LRRN1: variants seen among roughly 807,000 people sequenced by gnomAD.
LRRN1 encodes the protein leucine rich repeat neuronal 1, also known as leucine-rich repeat neuronal protein 1.
A neutral mutation model predicts 45.8 loss-of-function variants in LRRN1; 14 were observed. The observed-to-expected ratio is 0.31, with a 90% CI of 0.20 to 0.48. LRRN1 has a LOEUF of 0.48. Ranked by LOEUF, LRRN1 falls within the 20% of genes least tolerant of loss-of-function variation. LRRN1 has a pLI of 0.99. For missense variants in LRRN1, 789 were observed against 874.2 expected, an observed-to-expected ratio of 0.90 and a Z score of 1.23; for synonymous variants, 359 against 330.1, an observed-to-expected ratio of 1.09 and a Z score of -0.95.
rs754076436 is a variant in LRRN1 at position 3,846,055 on chromosome 3, C to G, written c.1414C>G (p.Leu472Val). The G allele has an allele frequency of 1.4e-5, 22 of 1,613,988 alleles. No individual in the cohort carries two copies. In the East Asian group the frequency reaches 4.0e-4, roughly 29 times the overall value. Residue 472 changes from leucine to valine, a missense_variant, in exon 2 of 2, where the codon CTT (leucine) becomes GTT (valine). Physicochemically the swap from Leu to Val is conservative, Grantham distance 32. Transcript: ENST00000319331. The surrounding 1 kb of genome is among the most constrained non-coding windows in gnomAD (Gnocchi z 5.7). The part of the protein sequence containing the change: ...PIGNKITVET[L>V]SDKYKLSSEG... ...TGGAAATAAGATAACTGTGGAAACC[C>G]TTTCAGATAAATACAAGCTAAGTAG...
In LRRN1 at chr3:3,845,163, G is replaced by A. The variant is rs3749349; in HGVS notation, c.522G>A (p.Leu174=). The A allele has an allele frequency of 6.2e-7, 1 of 1,613,954 alleles. No individual in the cohort carries two copies. The highest frequency in any genetic ancestry group is 1.1e-5 in the South Asian group (1 of 91,082). Residue 174 remains leucine (L), a synonymous_variant, in exon 2 of 2, where the codon CTG becomes CTA. Coordinates refer to ENST00000319331, the MANE Select transcript of LRRN1 (RefSeq NM_020873.7). This position sits in a 1 kb window ranked among gnomAD's most constrained non-coding sequence, Gnocchi z 6.5. ...AGLKNLLRLH[L]NSNKLKVIDS... Reference sequence around the variant, plus strand: ...TAAAAAATCTATTAAGGCTCCACCTGAACTCCAACAAATTGAAAGTTATTG... The same window carrying A: ...TAAAAAATCTATTAAGGCTCCACCTAAACTCCAACAAATTGAAAGTTATTG...
intron 1 of LRRN1, among the ~76,000 whole-genome samples, chr3:3,832,583 G>T (rs766379869): frequency 6.6e-6 from 1 of 152,138 alleles, no homozygotes; most frequent in Non-Finnish European, 1.5e-5. Flanking sequence ...CCTTTCCCCA[G>T]TGCAGTTACC....
chr3:3,848,373 G>A lies in LRRN1; in HGVS notation c.*1581G>A, dbSNP rs995796279. 2.2e-4 allele frequency among the ~76,000 whole-genome samples: 34 copies of A among 152,186 alleles called. No individual in the cohort carries two copies. The highest frequency in any genetic ancestry group is 7.7e-4 in the African/African-American group (32 of 41,528). On this transcript the variant is annotated 3_prime_UTR_variant, in exon 2 of 2. Coordinates refer to ENST00000319331, the MANE Select transcript of LRRN1 (RefSeq NM_020873.7). ...TCCACAAAGGGCAGAGGGAGGGATGGGATTTAATAGGTAAAGAAGAACCCA... is the reference window on the plus strand; with the variant it reads ...TCCACAAAGGGCAGAGGGAGGGATGAGATTTAATAGGTAAAGAAGAACCCA...
At chr3:3,800,260 G>A (rs929411588) in intron 1 of LRRN1, among the ~76,000 whole-genome samples, 13 of 152,114 alleles carry the variant, frequency 8.5e-5, no homozygotes, top group Non-Finnish European at 1.8e-4. Context: ...GACCAGGGGA[G>A]GGAGGTGCCC....
chr3:3,813,176 A>C (rs1023600805), intron 1 of LRRN1, among the ~76,000 whole-genome samples: 7 of 152,230 alleles, frequency 4.6e-5, no homozygotes, highest in Admixed American at 4.6e-4. Context: ...GTTCGCATGA[A>C]CAGAGGTGAC....
intron 1 of LRRN1, among the ~76,000 whole-genome samples, chr3:3,823,364 A>G (rs1428169793): frequency 1.3e-5 from 2 of 152,096 alleles, no homozygotes; most frequent in African/African-American, 4.8e-5. Context: ...AAAAGGGGAC[A>G]ATCATAGTAC....
At chr3:3,835,874 A>AT (rs1693498832) in intron 1 of LRRN1, among the ~76,000 whole-genome samples, 1 of 152,140 alleles carries the variant, frequency 6.6e-6, no homozygotes, top group Non-Finnish European at 1.5e-5. Flanking sequence ...GGAAAAAAAA[A>AT]AAGAAGCATC....
At position 3,844,574 on chromosome 3, in the gene LRRN1, A is replaced by G. The variant is rs1693715572; in HGVS notation, c.-68A>G. The G allele has an allele frequency of 3.3e-6, 4 of 1,197,656 alleles. No homozygotes were observed. The highest frequency in any genetic ancestry group is 2.2e-5 in the Admixed American group (1 of 45,214). The allele number at this position is 1,197,656 out of a possible 1,614,324, so 74.2% of individuals were successfully genotyped here. On this transcript the variant is annotated 5_prime_UTR_variant, in exon 2 of 2. Transcript: ENST00000319331. ...TTTTCTGCTCGCTGTCCTACATATCACAATATAGTGTTCACGTTTTGTTAA... is the reference window on the plus strand; with the variant it reads ...TTTTCTGCTCGCTGTCCTACATATCGCAATATAGTGTTCACGTTTTGTTAA...
chr3:3,833,411 C>G (rs114375669), intron 1 of LRRN1, among the ~76,000 whole-genome samples: 5 of 152,188 alleles, frequency 3.3e-5, no homozygotes, highest in Non-Finnish European at 5.9e-5. Context: ...CCTACTTAGT[C>G]GGCCCAAATC....
At chr3:3,819,097 C>T (rs1396351295) in intron 1 of LRRN1, among the ~76,000 whole-genome samples, 1 of 152,042 alleles carries the variant, frequency 6.6e-6, no homozygotes, top group African/African-American at 2.4e-5. Context: ...TGGCAGTCCT[C>T]CTGCTTCAGC....
chr3:3,806,078 C>T (rs200454367), intron 1 of LRRN1, among the ~76,000 whole-genome samples: 1 of 152,130 alleles, frequency 6.6e-6, no homozygotes, highest in Non-Finnish European at 1.5e-5. Flanking sequence ...TTTTTGTCAT[C>T]GCTGTCACAA....
At chr3:3,815,081 C>T (rs1692961691) in intron 1 of LRRN1, among the ~76,000 whole-genome samples, 1 of 152,104 alleles carries the variant, frequency 6.6e-6, no homozygotes, top group South Asian at 2.1e-4. Context: ...CCCTCCATAT[C>T]TAGGAACCAT....
At position 3,806,312 on chromosome 3, in the gene LRRN1, C is replaced by A. The variant is rs1559280232; in HGVS notation, c.-279+6393C>A. ...GCTATGATGGTGGGAGTGCAGGCTA[C>A]ACAAGTACAGAAGCAGCAGCCTTAA... On this transcript the variant is annotated intron_variant, in intron 1 of 1. Transcript: ENST00000319331. 2.6e-5 allele frequency among the ~76,000 whole-genome samples: 4 copies of A among 152,310 alleles called. No individual in the cohort carries two copies. The South Asian group carries it at 8.3e-4, about 32-fold the overall frequency.
intron 1 of LRRN1, among the ~76,000 whole-genome samples, chr3:3,838,085 G>C (rs1009951216): frequency 6.6e-6 from 1 of 151,972 alleles, no homozygotes; most frequent in South Asian, 2.1e-4. Context: ...TTATAACTCA[G>C]AAATAAGACC....
chr3:3,846,922 T>G lies in LRRN1; in HGVS notation c.*130T>G, dbSNP rs1575306986. 1.3e-6 allele frequency: 1 copy of G among 756,238 alleles called. No individual in the cohort carries two copies. The highest frequency in any genetic ancestry group is 2.1e-6 in the Non-Finnish European group (1 of 477,842). 46.8% of individuals were successfully genotyped at this position (756,238 alleles called of 1,614,324 possible). A position where few individuals can be genotyped will look rare whatever the true frequency, so the allele number is the denominator to read the frequency against. ...TTTGTGGCAGAGTGGAGAGGACGGG[T>G]GGATATTTCAAATTTTTTTAGTATA... On this transcript the variant is annotated 3_prime_UTR_variant, in exon 2 of 2. Coordinates refer to ENST00000319331, the MANE Select transcript of LRRN1 (RefSeq NM_020873.7). This position sits in a 1 kb window ranked among gnomAD's most constrained non-coding sequence, Gnocchi z 5.7.
At chr3:3,823,024 G>T (rs1575288212) in intron 1 of LRRN1, 1 of 152,136 alleles carries the variant, frequency 6.6e-6, no homozygotes, top group East Asian at 1.9e-4. Context: ...CCAAGGGATA[G>T]AGGATATTTC....
rs1381111961 is a variant in LRRN1 at position 3,846,465 on chromosome 3, A to T, written c.1824A>T (p.Ser608=). 1 of 1,614,208 alleles carries T rather than the reference A, an allele frequency of 6.2e-7. No individual in the cohort carries two copies. The highest frequency in any genetic ancestry group is 1.1e-5 in the South Asian group (1 of 91,084). ...VSNIHQQTQK[S]CVNVTTKNAA... ...ATATTCATCAGCAGACTCAAAAGTCATGCGTAAATGTCACAACCAAAAATG... is the reference window on the plus strand; with the variant it reads ...ATATTCATCAGCAGACTCAAAAGTCTTGCGTAAATGTCACAACCAAAAATG... Residue 608 remains serine, a synonymous_variant, in exon 2 of 2, where the codon TCA becomes TCT. Transcript: ENST00000319331. The surrounding 1 kb of genome is among the most constrained non-coding windows in gnomAD (Gnocchi z 5.7).
At chr3:3,824,744 C>A (rs537026259) in intron 1 of LRRN1, among the ~76,000 whole-genome samples, 1 of 152,300 alleles carries the variant, frequency 6.6e-6, no homozygotes, top group South Asian at 2.1e-4. Context: ...GAACTGTAGA[C>A]CCTGCCCTCG....
Position 3,844,950 on chromosome 3 carries a change from C to T in LRRN1, c.309C>T (p.Ser103=). Residue 103 remains serine, a synonymous_variant, in exon 2 of 2, where the codon TCC becomes TCT. Coordinates refer to ENST00000319331, the MANE Select transcript of LRRN1 (RefSeq NM_020873.7). ...TCAACTTGACTGAACTAGATTTCTC[C>T]CAAAACAACTTTACTAACATTAAGG... The part of the protein sequence containing the change: ...QLFNLTELDF[S]QNNFTNIKEV... The T allele has an allele frequency of 6.2e-7, 1 of 1,614,080 alleles. No homozygotes were observed. Among genetic ancestry groups the T allele is most frequent in the African/African-American group, 1.3e-5 (1 of 75,028 alleles).
Sources: gnomAD v4.1 joint callset for allele counts (sites outside exome capture counted in the v4.1 genomes callset) on GRCh38, gnomAD v4.1.1 for gene constraint, Gnocchi (gnomAD v3.1) non-coding constraint, MANE v1.5 for transcripts, NCBI Gene and HGNC (gene_info 2026-07-23, HGNC 2026-07-21) for gene names.